The following SLC66A2 variants were observed in gnomAD, a reference collection of about 807,000 sequenced individuals.
The protein encoded by SLC66A2 is solute carrier family 66 member 2.
In SLC66A2, 23 loss-of-function variants were observed where a neutral mutation model predicts 25.5. The ratio of observed to expected loss-of-function variants is 0.90; its 90% confidence interval spans 0.65 to 1.28. The LOEUF is 1.28. Among genes scored for constraint, SLC66A2 ranks in the 50% most tolerant of loss-of-function variants. SLC66A2 has a pLI of 0.00. For missense variants in SLC66A2, 396 were observed against 373.1 expected, an observed-to-expected ratio of 1.06 and a Z score of -0.51; for synonymous variants, 193 against 166.5, an observed-to-expected ratio of 1.16 and a Z score of -1.23.
chr18:79,929,107 G>A (rs1986297447), intron 4 of SLC66A2, among the ~76,000 whole-genome samples: 1 of 152,210 alleles, frequency 6.6e-6, no homozygotes, highest in Admixed American at 6.5e-5. Context: ...TCGGCAGCCA[G>A]CAACTAAGAG....
intron 1 of SLC66A2, among the ~76,000 whole-genome samples, chr18:79,951,228 C>T (rs1028675177): frequency 6.6e-6 from 1 of 151,730 alleles, no homozygotes; most frequent in African/African-American, 2.4e-5. Context: ...GGGGAGGGGT[C>T]CCAGCGCCGG....
chr18:79,936,968 T>C lies in SLC66A2; in HGVS notation c.338-2946A>G, dbSNP rs545143475. 1.6e-4 allele frequency among the ~76,000 whole-genome samples: 24 copies of C among 152,240 alleles called. 1 individual carries two copies. The South Asian group carries it at 2.7e-3, about 17-fold the overall frequency. ...CTAAGGGAGGCATGAGGATGCCACA[T>C]TCCATTATTTGTGGGGTCCTTGAGG... On this transcript the variant is annotated intron_variant, in intron 3 of 5. Transcript: ENST00000397778.
At chr18:79,906,021 T>C (rs1451040791) in intron 5 of SLC66A2, among the ~76,000 whole-genome samples, 2 of 152,320 alleles carry the variant, frequency 1.3e-5, no homozygotes, top group Admixed American at 6.5e-5. Context: ...GTTAAAGGAA[T>C]TGGTCCATTT....
chr18:79,916,567 T>A (rs1984189412), intron 5 of SLC66A2, among the ~76,000 whole-genome samples: 1 of 152,180 alleles, frequency 6.6e-6, no homozygotes, highest in Non-Finnish European at 1.5e-5. Flanking sequence ...CCATTGTCCA[T>A]CACGCCTATC....
intron 4 of SLC66A2, among the ~76,000 whole-genome samples, chr18:79,932,510 C>T (rs1374594353): frequency 6.6e-6 from 1 of 151,780 alleles, no homozygotes; most frequent in South Asian, 2.1e-4. Context: ...GAAAAAGAAA[C>T]ACCTTTTAAA....
At chr18:79,950,610 C>CG (rs949147615) in intron 2 of SLC66A2, 114 bp downstream of exon 2, 10 of 973,696 alleles carry the variant, frequency 1.0e-5, no homozygotes, top group Non-Finnish European at 1.6e-5. Flanking sequence ...CAGAGTGGGA[C>CG]GCTGGCCCAG....
In SLC66A2 at chr18:79,937,663, G is replaced by A. The variant is rs536873256; in HGVS notation, c.338-3641C>T. 2.6e-5 allele frequency among the ~76,000 whole-genome samples: 4 copies of A among 152,214 alleles called. No homozygotes were observed. The East Asian group carries it at 5.8e-4, about 22-fold the overall frequency. ...GTGGCCGCTGACCACACGCACCTCC[G>A]ACGGAACGACGCAACCATCCTGCGA... On this transcript the variant is annotated intron_variant, in intron 3 of 5. Coordinates refer to ENST00000397778, the MANE Select transcript of SLC66A2 (RefSeq NM_025078.5). The surrounding 1 kb of genome is among the most constrained non-coding windows in gnomAD (Gnocchi z 5.4).
chr18:79,906,129 G>A (rs1982098874), intron 5 of SLC66A2, among the ~76,000 whole-genome samples: 1 of 152,192 alleles, frequency 6.6e-6, no homozygotes, highest in South Asian at 2.1e-4. Context: ...CAAATACTGG[G>A]GATCTGTGCT....
intron 3 of SLC66A2, among the ~76,000 whole-genome samples, chr18:79,938,967 C>A: frequency 6.6e-6 from 1 of 152,228 alleles, no homozygotes; most frequent in Middle Eastern, 3.4e-3. Context: ...TGAGCCGCTG[C>A]GACCGGCCAG....
Position 79,907,989 on chromosome 18 carries a change from CTT to C in SLC66A2, c.609-3808_609-3807del, listed in dbSNP as rs577732703. Among the ~76,000 whole-genome samples the C allele has an allele frequency of 1.8e-4, 27 of 152,270 alleles. 1 individual carries two copies. In the South Asian group the frequency reaches 5.6e-3, roughly 32 times the overall value. On this transcript the variant is annotated intron_variant, in intron 5 of 5. Transcript: ENST00000397778. The stretch of plus-strand genomic sequence containing the variant: ...ATTACTTTAAGTGGAATGCAGAAGT[CTT>C]AGCACCAAGTTCACTATCGTCTCCC...
At chr18:79,928,596 A>G (rs1228760221) in intron 4 of SLC66A2, among the ~76,000 whole-genome samples, 3 of 152,186 alleles carry the variant, frequency 2.0e-5, no homozygotes, top group Non-Finnish European at 4.4e-5. Context: ...CTTATCCAAG[A>G]AAACCACCTA....
intron 5 of SLC66A2, among the ~76,000 whole-genome samples, chr18:79,916,296 G>T (rs979724148): frequency 7.2e-6 from 1 of 139,132 alleles, no homozygotes; most frequent in Admixed American, 7.0e-5. Flanking sequence ...CCGTACCCGT[G>T]GTGCTCCCGT....
intron 4 of SLC66A2, among the ~76,000 whole-genome samples, chr18:79,926,648 G>C (rs1985986803): frequency 6.9e-6 from 1 of 144,292 alleles, no homozygotes; most frequent in Non-Finnish European, 1.5e-5. Flanking sequence ...TTCTGCAGGG[G>C]AGGAAATTGC....
chr18:79,948,163 A>C (rs2050996258), intron 2 of SLC66A2, among the ~76,000 whole-genome samples: 1 of 152,206 alleles, frequency 6.6e-6, no homozygotes, highest in Non-Finnish European at 1.5e-5. Context: ...AATTCCCTGG[A>C]AGGCTGCCCT....
Position 79,950,786 on chromosome 18 carries a change from G to T in SLC66A2, c.141C>A (p.Asp47Glu), listed in dbSNP as rs1423671115. The T allele has an allele frequency of 6.2e-7, 1 of 1,613,104 alleles. No individual in the cohort carries two copies. Among genetic ancestry groups the T allele is most frequent in the East Asian group, 2.2e-5 (1 of 44,888 alleles). Residue 47 changes from aspartate (D) to glutamate (E), a missense_variant, in exon 2 of 6, where the codon GAC becomes GAA. Asp to Glu is a conservative substitution (Grantham distance 45). Coordinates refer to ENST00000397778, the MANE Select transcript of SLC66A2 (RefSeq NM_025078.5). ...YRDIRRTQNADGFSTYVCLVL... is the reference protein window; with the variant it reads ...YRDIRRTQNAEGFSTYVCLVL... ...CCAGGCACACGTAGGTGGAGAAGCCGTCGGCGTTCTGCGTCCTGCGAATGT... is the reference window on the plus strand; with the variant it reads ...CCAGGCACACGTAGGTGGAGAAGCCTTCGGCGTTCTGCGTCCTGCGAATGT...
intron 3 of SLC66A2, among the ~76,000 whole-genome samples, chr18:79,936,082 G>A (rs1389545064): frequency 1.3e-5 from 2 of 152,236 alleles, no homozygotes; most frequent in East Asian, 3.9e-4. Flanking sequence ...GCCATCACCT[G>A]CTTCCTGGGA....
At chr18:79,947,994 C>A (rs1349631909) in intron 2 of SLC66A2, among the ~76,000 whole-genome samples, 1 of 151,962 alleles carries the variant, frequency 6.6e-6, no homozygotes, top group East Asian at 1.9e-4. Context: ...GGAGGGACGC[C>A]CAGCAGGAAC....
At chr18:79,910,518 C>T (rs1314570697) in intron 5 of SLC66A2, among the ~76,000 whole-genome samples, 1 of 152,202 alleles carries the variant, frequency 6.6e-6, no homozygotes, top group Non-Finnish European at 1.5e-5. Context: ...TCTCACAAGA[C>T]TTTTTCTAGT....
chr18:79,909,545 T>G (rs1982627428), intron 5 of SLC66A2, among the ~76,000 whole-genome samples: 1 of 132,210 alleles, frequency 7.6e-6, no homozygotes, highest in South Asian at 2.6e-4. Flanking sequence ...TCCCCAACCT[T>G]CCCCACACCC....
Sources: gnomAD v4.1 joint callset for allele counts (sites outside exome capture counted in the v4.1 genomes callset) on GRCh38, gnomAD v4.1.1 for gene constraint, Gnocchi (gnomAD v3.1) non-coding constraint, MANE v1.5 for transcripts, NCBI Gene and HGNC (gene_info 2026-07-23, HGNC 2026-07-21) for gene names.